The following RPN2 variants were observed in gnomAD, a reference collection of about 807,000 sequenced individuals.
RPN2 encodes ribophorin II.
RPN2 carries 29 observed loss-of-function variants against 71.4 expected under a neutral mutation model. The ratio of observed to expected loss-of-function variants is 0.41; its 90% CI spans 0.30 to 0.55. The LOEUF is 0.55. Among genes scored for constraint, RPN2 ranks in the 20% least tolerant of loss-of-function variants. The pLI is 0.35. For missense variants in RPN2, 726 were observed against 774.1 expected, an observed-to-expected ratio of 0.94 and a Z score of 0.74; for synonymous variants, 308 against 305.0, an observed-to-expected ratio of 1.01 and a Z score of -0.10.
Position 37,241,378 on chromosome 20 carries a change from A to G in RPN2, c.*63A>G. ...CAAGAAAAGGAGTCAAGAACAATTC[A>G]CAGTATGAGAAGAAAAATGGAAAAA... On this transcript the variant is annotated 3_prime_UTR_variant, in exon 17 of 17. Transcript: ENST00000237530. 6.4e-7 allele frequency: 1 copy of G among 1,569,740 alleles called. No individual in the cohort carries two copies. Among genetic ancestry groups the G allele is most frequent in the Non-Finnish European group, 8.7e-7 (1 of 1,146,174 alleles).
intron 9 of RPN2, among the ~76,000 whole-genome samples, chr20:37,218,928 A>T (rs1028390049): frequency 3.3e-5 from 5 of 152,186 alleles, no homozygotes; most frequent in African/African-American, 1.2e-4. Flanking sequence ...TTATCAGTTA[A>T]TGACATTTGA....
At chr20:37,234,527 A>G (rs774969112) in intron 15 of RPN2, among the ~76,000 whole-genome samples, 3 of 152,234 alleles carry the variant, frequency 2.0e-5, no homozygotes, top group Non-Finnish European at 2.9e-5. Flanking sequence ...ACAGTCAGAC[A>G]TGCTATCCTG....
intron 9 of RPN2, among the ~76,000 whole-genome samples, chr20:37,221,313 A>G (rs2067951556): frequency 6.7e-6 from 1 of 150,010 alleles, no homozygotes; most frequent in South Asian, 2.1e-4. Context: ...TTCCTGTCTC[A>G]GCCTCCTGAG....
intron 7 of RPN2, 145 bp downstream of exon 7, chr20:37,207,594 C>A: frequency 1.2e-6 from 1 of 805,088 alleles, no homozygotes; most frequent in Non-Finnish European, 2.1e-6. Flanking sequence ...TTCCCTGAGC[C>A]TTGAAATGGA....
chr20:37,207,226 C>T, intron 6 of RPN2, 47 bp from the exon 7 acceptor site: 2 of 1,535,054 alleles, frequency 1.3e-6, no homozygotes, highest in Non-Finnish European at 1.8e-6. Flanking sequence ...GCCCTCCCAC[C>T]TTCCCAGCAG....
intron 12 of RPN2, 116 bp from the exon 13 acceptor site, chr20:37,229,857 G>C: frequency 1.2e-6 from 1 of 803,496 alleles, no homozygotes; most frequent in South Asian, 1.4e-5. Context: ...AAGTGATTGG[G>C]ACTGCCTGGA....
intron 3 of RPN2, 125 bp downstream of exon 3, chr20:37,198,617 T>A: frequency 7.2e-7 from 1 of 1,388,748 alleles, no homozygotes; most frequent in South Asian, 1.4e-5. Flanking sequence ...GGGAATTCCA[T>A]TCCTGTGATT....
intron 16 of RPN2, chr20:37,238,659 G>A (rs553613602): frequency 1.4e-6 from 1 of 738,814 alleles, no homozygotes; most frequent in Non-Finnish European, 2.5e-6. Flanking sequence ...CCCAGCTGAT[G>A]GGATAACTTT....
intron 11 of RPN2, among the ~76,000 whole-genome samples, chr20:37,226,508 G>A (rs1482526066): frequency 6.6e-6 from 1 of 152,148 alleles, no homozygotes; most frequent in Non-Finnish European, 1.5e-5. Flanking sequence ...AATATGGTGA[G>A]ACCTCATTTG....
intron 6 of RPN2, among the ~76,000 whole-genome samples, chr20:37,206,209 A>T (rs1423807269): frequency 1.3e-5 from 2 of 152,196 alleles, no homozygotes; most frequent in South Asian, 2.1e-4. Flanking sequence ...CCACTTTTTT[A>T]AAAAATTGCT....
chr20:37,236,475 G>A (rs1600852665), intron 15 of RPN2, 105 bp from the exon 16 acceptor site: 2 of 1,217,714 alleles, frequency 1.6e-6, no homozygotes, highest in Admixed American at 1.8e-5. Flanking sequence ...TGGTATAGGA[G>A]TACAGACCTT....
At chr20:37,219,102 T>C (rs2067890752) in intron 9 of RPN2, among the ~76,000 whole-genome samples, 1 of 152,208 alleles carries the variant, frequency 6.6e-6, no homozygotes, top group Admixed American at 6.5e-5. Context: ...ACTAACAAGT[T>C]TTCAAAGCAG....
At chr20:37,202,816 G>C (rs2067422526) in intron 4 of RPN2, among the ~76,000 whole-genome samples, 1 of 152,214 alleles carries the variant, frequency 6.6e-6, no homozygotes, top group Non-Finnish European at 1.5e-5. Context: ...CAGATTGTAT[G>C]ATTCCATTTC....
intron 7 of RPN2, 27 bp downstream of exon 7, chr20:37,207,476 C>T: frequency 6.2e-7 from 1 of 1,609,446 alleles, no homozygotes; most frequent in Non-Finnish European, 8.5e-7. Context: ...CAAAGTGTGC[C>T]CCTCTGATTA....
intron 13 of RPN2, among the ~76,000 whole-genome samples, chr20:37,231,381 A>G (rs2068239753): frequency 6.6e-6 from 1 of 152,124 alleles, no homozygotes; most frequent in Non-Finnish European, 1.5e-5. Context: ...AAAAACAAAA[A>G]AAAAACCAAG....
At chr20:37,224,467 G>A (rs2068030698) in intron 10 of RPN2, among the ~76,000 whole-genome samples, 2 of 152,116 alleles carry the variant, frequency 1.3e-5, no homozygotes, top group South Asian at 4.1e-4. Flanking sequence ...GCTTAAAATT[G>A]AGATGGCAGA....
chr20:37,193,854 T>C (rs1391492527), intron 2 of RPN2, among the ~76,000 whole-genome samples: 2 of 152,118 alleles, frequency 1.3e-5, no homozygotes, highest in African/African-American at 4.8e-5. Flanking sequence ...CTGAGAATTA[T>C]CTGCATAGAA....
intron 12 of RPN2, among the ~76,000 whole-genome samples, chr20:37,229,635 A>G (rs1285991420): frequency 6.6e-6 from 1 of 152,160 alleles, no homozygotes; most frequent in Non-Finnish European, 1.5e-5. Flanking sequence ...TCTTTTTCAA[A>G]TGTGACTAAA....
chr20:37,182,968 T>C (rs542908179), intron 1 of RPN2, among the ~76,000 whole-genome samples: 1 of 152,328 alleles, frequency 6.6e-6, no homozygotes, highest in African/African-American at 2.4e-5. Flanking sequence ...CAGCAAATAT[T>C]TATTCAGTAA....
Sources: allele counts gnomAD v4.1 joint callset (sites outside exome capture counted in the v4.1 genomes callset), GRCh38; gene constraint gnomAD v4.1.1; transcripts MANE v1.5; gene names NCBI Gene and HGNC (gene_info 2026-07-23, HGNC 2026-07-21).